The following BRPF3 variants were observed in gnomAD, a reference collection of about 807,000 sequenced individuals.
The protein encoded by BRPF3 is bromodomain and PHD finger-containing protein 3.
In BRPF3, 18 loss-of-function variants were observed where a neutral mutation model predicts 102.0. That is an observed-to-expected ratio of 0.18 (90% CI 0.12 to 0.26). The LOEUF is 0.26. BRPF3 is among the 10% of genes least tolerant of loss of function. The pLI is 1.00. For synonymous variants in BRPF3, 570 were observed against 614.2 expected, an observed-to-expected ratio of 0.93 and a Z score of 1.06; for missense variants, 1,147 against 1,567.8, an observed-to-expected ratio of 0.73 and a Z score of 4.53.
chr6:36,213,142 T>C (rs1247783643), intron 7 of BRPF3, among the ~76,000 whole-genome samples: 1 of 152,240 alleles, frequency 6.6e-6, no homozygotes, highest in Non-Finnish European at 1.5e-5. Context: ...CCAGTGAGAA[T>C]TGTAGATACC....
chr6:36,226,657 C>T (rs1292177713), intron 11 of BRPF3, among the ~76,000 whole-genome samples: 1 of 152,180 alleles, frequency 6.6e-6, no homozygotes, highest in Non-Finnish European at 1.5e-5. Flanking sequence ...ATATCTGCAA[C>T]TTTTAACAGC....
chr6:36,224,347 AGT>A (rs1332025206), intron 10 of BRPF3, among the ~76,000 whole-genome samples: 1 of 152,156 alleles, frequency 6.6e-6, no homozygotes, highest in African/African-American at 2.4e-5. Flanking sequence ...GGAGGGAAAG[AGT>A]GGTTCTTCTG....
At chr6:36,213,741 T>C (rs1768216884) in intron 7 of BRPF3, 139 bp from the exon 8 acceptor site, 1 of 884,994 alleles carries the variant, frequency 1.1e-6, no homozygotes, top group Admixed American at 2.4e-5. Context: ...TTCTCTTTGC[T>C]TCAGATCTAA....
Position 36,214,002 on chromosome 6 carries a change from A to G in BRPF3, c.2605A>G (p.Ser869Gly), listed in dbSNP as rs1768229393. 2 of 1,614,140 alleles carry G rather than the reference A, an allele frequency of 1.2e-6. No homozygotes were observed. Among genetic ancestry groups the G allele is most frequent in the East Asian group, 4.5e-5 (2 of 44,868 alleles). ...LKPINDSKPP[S>G]RFLKPRKVEE... ...ACCCATTAATGATAGCAAACCTCCA[A>G]GCAGGTTCCTAAAGCCCAGAAAGGT... is the stretch of plus-strand genomic sequence containing the variant. Residue 869 changes from serine (S) to glycine (G), a missense_variant, in exon 8 of 13, where the codon AGC (serine) becomes GGC (glycine). Physicochemically the swap from Ser to Gly is moderately conservative, Grantham distance 56. Coordinates refer to ENST00000357641, the MANE Select transcript of BRPF3 (RefSeq NM_015695.3).
At chr6:36,216,535 G>A (rs1302781844) in intron 8 of BRPF3, among the ~76,000 whole-genome samples, 1 of 152,228 alleles carries the variant, frequency 6.6e-6, no homozygotes, top group African/African-American at 2.4e-5. Context: ...GATGGCTTCA[G>A]TGATTTAAAT....
intron 4 of BRPF3, among the ~76,000 whole-genome samples, chr6:36,207,745 T>G (rs1466209438): frequency 6.6e-6 from 1 of 152,212 alleles, no homozygotes; most frequent in East Asian, 1.9e-4. Flanking sequence ...CCTTGAGGAT[T>G]TTGAAAAGCT....
In BRPF3 at chr6:36,230,811, A is replaced by C; in HGVS notation, c.*202A>C. The stretch of plus-strand genomic sequence containing the variant: ...CTGGCAGGCCTGCTGTGTGCCAAAA[A>C]CTCCCACCCAAGGTCCCTCAGGGGA... On this transcript the variant is annotated 3_prime_UTR_variant, in exon 13 of 13. Transcript: ENST00000357641. This position sits in a 1 kb window ranked among gnomAD's most constrained non-coding sequence, Gnocchi z 5.4. 9 of 591,756 alleles carry C rather than the reference A, an allele frequency of 1.5e-5. No homozygotes were observed. The highest frequency in any genetic ancestry group is 7.3e-5 in the South Asian group (3 of 41,256). 36.7% of individuals were successfully genotyped at this position (591,756 alleles called of 1,614,324 possible).
At chr6:36,204,169 T>A (rs545803622) in intron 2 of BRPF3, among the ~76,000 whole-genome samples, 15 of 152,282 alleles carry the variant, frequency 9.9e-5, no homozygotes, top group African/African-American at 3.6e-4. Flanking sequence ...AAACCAGACG[T>A]CAAACAAGTC....
chr6:36,213,908 C>T lies in BRPF3; in HGVS notation c.2511C>T (p.Thr837=). The T allele has an allele frequency of 1.9e-6, 3 of 1,611,250 alleles. No homozygotes were observed. The highest frequency in any genetic ancestry group is 2.5e-6 in the Non-Finnish European group (3 of 1,178,144). The change falls in exon 8 of 13, where the codon ACC becomes ACT. Residue 837 remains threonine (T), a synonymous_variant. Coordinates refer to ENST00000357641, the MANE Select transcript of BRPF3 (RefSeq NM_015695.3). ...RDDSKLPPPP[T]LEPTGPAPSL... is the part of the protein sequence containing the mutation. ...ACTCCAAACTGCCTCCTCCGCCAAC[C>T]CTGGAGCCCACTGGGCCTGCACCTT...
chr6:36,218,040 C>T, intron 9 of BRPF3, 30 bp downstream of exon 9: 2 of 1,580,920 alleles, frequency 1.3e-6, no homozygotes, highest in South Asian at 1.1e-5. Flanking sequence ...GCTTTGTCAG[C>T]AGCTCTGCTA....
chr6:36,228,859 C>G (rs201541941), intron 11 of BRPF3, 43 bp from the exon 12 acceptor site: 1 of 1,609,708 alleles, frequency 6.2e-7, no homozygotes, highest in East Asian at 2.2e-5. Context: ...ACTGCTCACC[C>G]TGGCCTCCCT....
In BRPF3 at chr6:36,202,425, G is replaced by A. The variant is rs375323390; in HGVS notation, c.1448+655G>A. On this transcript the variant is annotated intron_variant, in intron 2 of 12. Transcript: ENST00000357641. ...AGCTCTGTGGACCCCCCCCCCCTCC[G>A]CCCCCGCCATTGAGTCTGTAGAGAG... Among the ~76,000 whole-genome samples, 107 of 65,098 alleles carry A rather than the reference G, an allele frequency of 1.6e-3. 1 individual carries two copies. The highest frequency in any genetic ancestry group is 8.9e-3 in the Middle Eastern group (1 of 112). 42.7% of individuals were successfully genotyped at this position (65,098 alleles called of 152,430 possible).
At chr6:36,209,716 T>A in intron 4 of BRPF3, 71 bp from the exon 5 acceptor site, 1 of 1,549,158 alleles carries the variant, frequency 6.5e-7, no homozygotes, top group Non-Finnish European at 8.7e-7. Flanking sequence ...AAAGTCAAAC[T>A]ATCAAGAAAA....
intron 8 of BRPF3, among the ~76,000 whole-genome samples, chr6:36,215,219 C>T (rs1223608571): frequency 6.6e-6 from 1 of 152,104 alleles, no homozygotes; most frequent in African/African-American, 2.4e-5. Flanking sequence ...TGGGTTCAAG[C>T]AATTCTCCTG....
chr6:36,227,718 A>C (rs1450075920), intron 11 of BRPF3, among the ~76,000 whole-genome samples: 3 of 152,144 alleles, frequency 2.0e-5, no homozygotes, highest in Admixed American at 6.5e-5. Context: ...AAGACCCTTT[A>C]CTTCAATCCC....
chr6:36,210,027 G>T lies in BRPF3; in HGVS notation c.1866+112G>T. 1 of 1,487,100 alleles carries T rather than the reference G, an allele frequency of 6.7e-7. No homozygotes were observed. Among genetic ancestry groups the T allele is most frequent in the Non-Finnish European group, 9.2e-7 (1 of 1,091,204 alleles). 92.1% of individuals were successfully genotyped at this position (1,487,100 alleles called of 1,614,324 possible). On this transcript the variant is annotated intron_variant, in intron 5 of 12. Transcript: ENST00000357641. The surrounding 1 kb of genome is among the most constrained non-coding windows in gnomAD (Gnocchi z 4.7). ...TGTACAAAACCAGGGGTAGGAGGGT[G>T]GGTCTGGCAAAGCTAGTAGACTTGC...
In BRPF3 at chr6:36,209,773, C is replaced by T. The variant is rs1012431460; in HGVS notation, c.1738-14C>T. The T allele has an allele frequency of 9.3e-6, 15 of 1,612,954 alleles. No individual in the cohort carries two copies. Among genetic ancestry groups the T allele is most frequent in the Non-Finnish European group, 1.3e-5 (15 of 1,179,438 alleles). ...GGGATGTTCTGATCTGATCTCACCC[C>T]ACCTTCCCCACAGGTCAAAGTCCAG... On this transcript the variant is annotated splice_polypyrimidine_tract_variant and intron_variant, in intron 4 of 12. Transcript: ENST00000357641.
intron 2 of BRPF3, among the ~76,000 whole-genome samples, chr6:36,202,410 A>ACCCCCCCCCCCC (rs773009912): frequency 8.8e-5 from 9 of 102,236 alleles, no homozygotes; most frequent in Non-Finnish European, 1.2e-4. Flanking sequence ...AGCTCTGTGG[A>ACCCCCCCCCCCC]CCCCCCCCCC....
At chr6:36,214,408 C>T in intron 8 of BRPF3, 22 bp downstream of exon 8, 1 of 1,528,152 alleles carries the variant, frequency 6.5e-7, no homozygotes, top group Non-Finnish European at 8.7e-7. Flanking sequence ...TGTGACTTCT[C>T]TTGATACTTC....
Sources: allele counts gnomAD v4.1 joint callset (sites outside exome capture counted in the v4.1 genomes callset), GRCh38; gene constraint gnomAD v4.1.1; non-coding constraint Gnocchi (gnomAD v3.1); transcripts MANE v1.5; gene names NCBI Gene and HGNC (gene_info 2026-07-23, HGNC 2026-07-21).